SEMA4F: variants seen among roughly 807,000 people sequenced by gnomAD.
SEMA4F encodes the protein ssemaphorin 4F, also known as semaphorin-4F.
In SEMA4F, 51 loss-of-function variants were observed where a neutral mutation model predicts 78.4. The ratio of observed to expected loss-of-function variants is 0.65; its 90% confidence interval spans 0.52 to 0.82. The LOEUF (loss-of-function observed/expected upper bound fraction) is 0.82. SEMA4F is among the 40% of genes least tolerant of loss of function. The pLI, the probability that SEMA4F is intolerant of heterozygous loss-of-function variation, is 0.00. For synonymous variants in SEMA4F, 418 were observed against 408.7 expected (o/e 1.02, Z -0.27); for missense variants, 938 against 1,014.4 (o/e 0.92, Z 1.02).
rs1231700171 is a variant in SEMA4F, at chr2:74,680,489, C to T, written c.*280C>T. Reference sequence around the variant, plus strand: ...CTCCTGTAAACCTTCATCCCTGGCCCCCTATCTTGGGCCCATTAGTTTTGG... The same window carrying T: ...CTCCTGTAAACCTTCATCCCTGGCCTCCTATCTTGGGCCCATTAGTTTTGG... On this transcript the variant is annotated 3_prime_UTR_variant, in exon 14 of 14. Transcript: ENST00000357877. The T allele has an allele frequency of 5.9e-6, 2 of 341,274 alleles. No individual in the cohort carries two copies. The highest frequency in any genetic ancestry group is 1.1e-5 in the Non-Finnish European group (2 of 188,784). 21.1% of individuals were successfully genotyped at this position (341,274 alleles called of 1,614,324 possible).
chr2:74,657,617 A>G lies in SEMA4F; in HGVS notation c.350A>G (p.Lys117Arg). 1 of 1,614,166 alleles carries G rather than the reference A, an allele frequency of 6.2e-7. No homozygotes were observed. The highest frequency in any genetic ancestry group is 8.5e-7 in the Non-Finnish European group (1 of 1,179,990). Reference protein sequence around the residue: ...AHRQNCRKKGKKEDECHNFVQ... With the variant: ...AHRQNCRKKGRKEDECHNFVQ... The stretch of plus-strand genomic sequence containing the variant: ...AGACAGAACTGTAGGAAGAAAGGCA[A>G]GAAAGAGGTAGGTGTAAATCTGAGC... Residue 117 changes from lysine (K) to arginine (R), a missense_variant, in exon 3 of 14, where the codon AAG becomes AGG. By Grantham distance (26) the Lys-to-Arg change is conservative. Transcript: ENST00000357877.
chr2:74,689,036 A>C, the SEMA4F span, among the ~76,000 whole-genome samples: 2 of 152,206 alleles, frequency 1.3e-5, no homozygotes, highest in Non-Finnish European at 2.9e-5. Flanking sequence ...AGCAGACAGC[A>C]ACACACTTTG....
chr2:74,664,360 A>G (rs1334809206), intron 5 of SEMA4F, among the ~76,000 whole-genome samples: 2 of 152,236 alleles, frequency 1.3e-5, no homozygotes, highest in Non-Finnish European at 2.9e-5. Context: ...ACCATGAATT[A>G]AACAATTCCA....
At chr2:74,704,519 A>G in the SEMA4F span, among the ~76,000 whole-genome samples, 2 of 151,888 alleles carry the variant, frequency 1.3e-5, no homozygotes, top group African/African-American at 4.8e-5. Flanking sequence ...TCATGAGGTT[A>G]TTGTAAGGAT....
At chr2:74,694,961 G>A in the SEMA4F span, among the ~76,000 whole-genome samples, 1 of 152,190 alleles carries the variant, frequency 6.6e-6, no homozygotes, top group Non-Finnish European at 1.5e-5. Context: ...TCCAGGTTTT[G>A]GCAATTATGA....
intron 5 of SEMA4F, among the ~76,000 whole-genome samples, chr2:74,669,985 T>C (rs544904019): frequency 6.6e-6 from 1 of 152,210 alleles, no homozygotes; most frequent in Non-Finnish European, 1.5e-5. Context: ...TATATACTTA[T>C]TTTTTAAAAA....
chr2:74,698,781 T>C, the SEMA4F span, among the ~76,000 whole-genome samples: 1 of 152,188 alleles, frequency 6.6e-6, no homozygotes, highest in African/African-American at 2.4e-5. Context: ...ATTCAATTTC[T>C]TCTCTTCTCT....
intron 1 of SEMA4F, 21 bp downstream of exon 1, chr2:74,654,542 C>G (rs1684016535): frequency 6.5e-7 from 1 of 1,528,728 alleles, no homozygotes; most frequent in African/African-American, 1.4e-5. Flanking sequence ...GACGCCCACG[C>G]CCTCAGCCCT....
chr2:74,660,679 G>A (rs1253033323), intron 4 of SEMA4F, among the ~76,000 whole-genome samples: 1 of 152,226 alleles, frequency 6.6e-6, no homozygotes, highest in East Asian at 1.9e-4. Context: ...TTTTGACCAT[G>A]CAATAATCAT....
the SEMA4F span, among the ~76,000 whole-genome samples, chr2:74,698,338 A>G: frequency 6.6e-6 from 1 of 152,232 alleles, no homozygotes; most frequent in Non-Finnish European, 1.5e-5. Context: ...CACATAAGCA[A>G]GAAAATATAA....
the SEMA4F span, among the ~76,000 whole-genome samples, chr2:74,693,174 T>C: frequency 2.0e-5 from 3 of 152,266 alleles, no homozygotes; most frequent in African/African-American, 7.2e-5. Flanking sequence ...ATATCTTGGG[T>C]ACTTTTCCAC....
chr2:74,670,118 C>G (rs1430276809), intron 5 of SEMA4F, among the ~76,000 whole-genome samples: 1 of 152,102 alleles, frequency 6.6e-6, no homozygotes, highest in South Asian at 2.1e-4. Flanking sequence ...TGGCCTTGAT[C>G]CATTCAGCAA....
At chr2:74,688,935 G>T in the SEMA4F span, among the ~76,000 whole-genome samples, 2 of 152,190 alleles carry the variant, frequency 1.3e-5, no homozygotes, top group Non-Finnish European at 2.9e-5. Flanking sequence ...ATTTAGGTCA[G>T]GTTCTGGGCT....
the SEMA4F span, among the ~76,000 whole-genome samples, chr2:74,703,004 A>T: frequency 6.6e-6 from 1 of 152,324 alleles, no homozygotes; most frequent in East Asian, 1.9e-4. Context: ...GTATGTATTT[A>T]TTGAGCATTT....
At chr2:74,688,282 T>C (rs1001460114), downstream of SEMA4F, among the ~76,000 whole-genome samples, 1 of 152,126 alleles carries the variant, frequency 6.6e-6, no homozygotes, top group South Asian at 2.1e-4. Flanking sequence ...TAGAGTGGAG[T>C]GGTGTTTCCT....
chr2:74,660,990 G>A (rs149155054), intron 4 of SEMA4F, among the ~76,000 whole-genome samples: 25 of 152,296 alleles, frequency 1.6e-4, no homozygotes, highest in African/African-American at 5.5e-4. Flanking sequence ...ATACACATGT[G>A]GGAGCTAGAA....
chr2:74,660,572 C>G (rs373455785), intron 4 of SEMA4F, among the ~76,000 whole-genome samples: 104 of 152,340 alleles, frequency 6.8e-4, no homozygotes, highest in African/African-American at 2.4e-3. Flanking sequence ...GACTATGCTG[C>G]TGACTAACAC....
At chr2:74,660,249 C>T (rs1208202139) in intron 4 of SEMA4F, among the ~76,000 whole-genome samples, 1 of 152,208 alleles carries the variant, frequency 6.6e-6, no homozygotes, top group Non-Finnish European at 1.5e-5. Flanking sequence ...CTAGCAGAGG[C>T]AGAACCAAAA....
chr2:74,676,034 C>G, intron 12 of SEMA4F, 125 bp downstream of exon 12: 1 of 983,488 alleles, frequency 1.0e-6, no homozygotes. Flanking sequence ...CTGTTAGTGT[C>G]TACATCACTC....
Sources: gnomAD v4.1 joint callset for allele counts (sites outside exome capture counted in the v4.1 genomes callset) on GRCh38, gnomAD v4.1.1 for gene constraint, MANE v1.5 for transcripts, NCBI Gene and HGNC (gene_info 2026-07-23, HGNC 2026-07-21) for gene names.